The following CDCP2 variants were observed in gnomAD, a reference collection of about 807,000 sequenced individuals.
CDCP2 encodes CUB domain-containing protein 2.
CDCP2 carries 31 observed loss-of-function variants against 31.0 expected under a neutral mutation model. The ratio of observed to expected loss-of-function variants is 1.00; its 90% confidence interval spans 0.75 to 1.35. The LOEUF (loss-of-function observed/expected upper bound fraction) is 1.35. CDCP2 is among the 40% of genes most tolerant of loss of function. The pLI is 0.00. For missense variants in CDCP2, 443 were observed against 482.6 expected (o/e 0.92, Z 0.77); for synonymous variants, 206 against 207.9 (o/e 0.99, Z 0.08).
chr1:54,150,966 C>A (rs936045821), intron 1 of CDCP2, among the ~76,000 whole-genome samples: 2 of 152,134 alleles, frequency 1.3e-5, no homozygotes. Flanking sequence ...GGGAGTCAGG[C>A]AAATGAGACA....
intron 1 of CDCP2, among the ~76,000 whole-genome samples, chr1:54,150,547 A>G (rs1421183341): frequency 6.6e-6 from 1 of 151,982 alleles, no homozygotes; most frequent in Non-Finnish European, 1.5e-5. Flanking sequence ...CTGAGCCGAG[A>G]TTGCGCCACT....
At chr1:54,141,493 C>T in intron 2 of CDCP2, 60 bp from the exon 3 acceptor site, 4 of 1,444,710 alleles carry the variant, frequency 2.8e-6, no homozygotes, top group Non-Finnish European at 3.8e-6. Flanking sequence ...AGTTTCCTCC[C>T]TTGGGAACAA....
chr1:54,141,193 G>C (rs1335662207), exon 3 of CDCP2: 1 of 1,599,234 alleles, frequency 6.3e-7, no homozygotes, highest in Non-Finnish European at 8.5e-7. Context: ...GAGGGTGGGG[G>C]GCCTGGTGCT....
chr1:54,141,629 G>A (rs1659377732), intron 2 of CDCP2, 196 bp from the exon 3 acceptor site: 1 of 548,232 alleles, frequency 1.8e-6, no homozygotes, highest in East Asian at 3.0e-5. Context: ...TATGCTGCCT[G>A]TTCAAATCCT....
intron 4 of CDCP2, chr1:54,139,519 G>T: frequency 6.2e-7 from 1 of 1,612,126 alleles, no homozygotes; most frequent in Non-Finnish European, 8.5e-7. Flanking sequence ...GACTCACGAA[G>T]TTAGAAGCTG....
At chr1:54,145,895 C>T (rs1659459622) in intron 1 of CDCP2, among the ~76,000 whole-genome samples, 1 of 151,974 alleles carries the variant, frequency 6.6e-6, no homozygotes, top group Admixed American at 6.6e-5. Context: ...CCTAAATATC[C>T]CAAACTGAAA....
At chr1:54,149,746 C>G (rs1404675431) in intron 1 of CDCP2, among the ~76,000 whole-genome samples, 6 of 152,136 alleles carry the variant, frequency 3.9e-5, no homozygotes, top group Non-Finnish European at 1.5e-5. Flanking sequence ...ATTTCTGTGC[C>G]TCTCCCTACC....
chr1:54,152,941 C>T (rs773454571), upstream of CDCP2: 11 of 1,613,528 alleles, frequency 6.8e-6, no homozygotes, highest in Non-Finnish European at 9.3e-6. Flanking sequence ...CAGGGGCCCC[C>T]ACAGGTCTGC....
chr1:54,133,181 AG>A lies in CDCP2; in HGVS notation c.1409del (p.Ala470ValfsTer38). On this transcript the variant is annotated frameshift_variant, in exon 6 of 6. Transcript: ENST00000530059. LOFTEE classifies it high-confidence loss of function. ...GAGAGCCAGACAGCAGGTGGACAGA[AG>A]CCTCCTTGCGCCGTGGCTCACAGCG... The A allele has an allele frequency of 2.5e-6, 1 of 399,110 alleles. No individual in the cohort carries two copies. 24.7% of individuals were successfully genotyped at this position (399,110 alleles called of 1,614,324 possible).
At chr1:54,145,412 C>A (rs899744708) in intron 1 of CDCP2, among the ~76,000 whole-genome samples, 1 of 151,606 alleles carries the variant, frequency 6.6e-6, no homozygotes, top group Non-Finnish European at 1.5e-5. Context: ...GGCAACAGAG[C>A]GAGACTCTGT....
chr1:54,141,068 G>A, intron 3 of CDCP2, 30 bp downstream of exon 3: 1 of 1,502,272 alleles, frequency 6.7e-7, no homozygotes, highest in Non-Finnish European at 8.9e-7. Flanking sequence ...GGCACAGGAG[G>A]ATTCAGGGTG....
chr1:54,135,136 G>A (rs1659237687), intron 5 of CDCP2, among the ~76,000 whole-genome samples: 1 of 150,746 alleles, frequency 6.6e-6, no homozygotes, highest in Non-Finnish European at 1.5e-5. Context: ...CCCAGTGAAA[G>A]GCTAAAGTAA....
intron 4 of CDCP2, 107 bp downstream of exon 4, chr1:54,139,646 G>C (rs869255760): frequency 2.5e-6 from 4 of 1,581,516 alleles, no homozygotes; most frequent in East Asian, 4.6e-5. Context: ...GACCATTCAT[G>C]GGGGGGGCAG....
At chr1:54,132,762 G>A (rs867799786), downstream of CDCP2, 11 of 395,338 alleles carry the variant, frequency 2.8e-5, no homozygotes, top group Middle Eastern at 6.3e-4. Flanking sequence ...AGATTACAAA[G>A]CTCTTATCCA....
intron 1 of CDCP2, 99 bp from the exon 2 acceptor site, chr1:54,144,912 G>T (rs969181376): frequency 7.0e-5 from 57 of 814,730 alleles, no homozygotes; most frequent in Non-Finnish European, 1.0e-4. Flanking sequence ...TTCTTGGGAT[G>T]GGATGAGGGA....
intron 1 of CDCP2, among the ~76,000 whole-genome samples, chr1:54,148,825 G>GT (rs1240447603): frequency 6.6e-6 from 1 of 151,424 alleles, no homozygotes; most frequent in Admixed American, 6.6e-5. Context: ...GAGGCCAGGA[G>GT]TTTGAGACCA....
chr1:54,139,954 C>T (rs749868985), exon 4 of CDCP2: 1 of 1,614,194 alleles, frequency 6.2e-7, no homozygotes, highest in South Asian at 1.1e-5. Context: ...CTGTTGGGCT[C>T]CTCCAGGTCC....
chr1:54,132,927 C>T (rs148043793), downstream of CDCP2: 16 of 398,588 alleles, frequency 4.0e-5, no homozygotes, highest in East Asian at 5.7e-4. Flanking sequence ...CCCTAAGCTG[C>T]CTCCCAGGCA....
intron 3 of CDCP2, 56 bp from the exon 4 acceptor site, chr1:54,140,162 C>T: frequency 1.9e-6 from 3 of 1,542,866 alleles, no homozygotes; most frequent in Non-Finnish European, 2.7e-6. Flanking sequence ...GGAGAAGTCA[C>T]TCTCTGCAGT....
Sources: allele counts gnomAD v4.1 joint callset (sites outside exome capture counted in the v4.1 genomes callset), GRCh38; gene constraint gnomAD v4.1.1; transcripts MANE v1.5; gene names NCBI Gene and HGNC (gene_info 2026-07-23, HGNC 2026-07-21).